Variants in HS3ST5 observed in about 807,000 individuals in gnomAD.
The protein encoded by HS3ST5 is heparan sulfate-glucosamine 3-sulfotransferase 5, also known as heparan sulfate glucosamine 3-O-sulfotransferase 5.
A neutral mutation model predicts 25.4 loss-of-function variants in HS3ST5; 10 were observed. The ratio of observed to expected loss-of-function variants is 0.39; its 90% CI spans 0.24 to 0.67. The LOEUF (loss-of-function observed/expected upper bound fraction) is 0.67, where lower values mean the gene tolerates loss of function less well. HS3ST5 is among the 30% of genes least tolerant of loss of function. The pLI is 0.44. For synonymous variants in HS3ST5, 170 were observed against 162.4 expected (o/e 1.05, Z -0.36); for missense variants, 324 against 420.7 (o/e 0.77, Z 2.01).
intron 1 of HS3ST5, among the ~76,000 whole-genome samples, chr6:114,294,646 C>T (rs1482549583): frequency 2.6e-5 from 4 of 151,948 alleles, no homozygotes; most frequent in Non-Finnish European, 4.4e-5. Flanking sequence ...GGGGTTTCAC[C>T]GTGGTCTCCA....
intron 3 of HS3ST5, chr6:114,084,535 A>C: frequency 1.3e-6 from 1 of 759,640 alleles, no homozygotes. Flanking sequence ...CGTCCACCGC[A>C]TCACACCCGC....
At position 114,258,266 on chromosome 6, in the gene HS3ST5, G is replaced by A. The variant is rs1027591650; in HGVS notation, c.-338-29488C>T. ...TCTGACTCTGTGGGGAGTGCGTGACGATTCCCTTCTTGTTTCAGGTCTTGA... is the reference window on the plus strand; with the variant it reads ...TCTGACTCTGTGGGGAGTGCGTGACAATTCCCTTCTTGTTTCAGGTCTTGA... On this transcript the variant is annotated intron_variant, in intron 1 of 4. Transcript: ENST00000312719. 5.3e-5 allele frequency among the ~76,000 whole-genome samples: 8 copies of A among 152,128 alleles called. 1 individual carries two copies. In the South Asian group the frequency reaches 6.2e-4, roughly 12 times the overall value.
At chr6:114,150,689 T>A (rs1778405313) in intron 3 of HS3ST5, among the ~76,000 whole-genome samples, 1 of 152,140 alleles carries the variant, frequency 6.6e-6, no homozygotes, top group Admixed American at 6.5e-5. Flanking sequence ...CAATATTTTT[T>A]AAAAAAGATT....
chr6:114,115,230 A>AT (rs559389797), intron 3 of HS3ST5, among the ~76,000 whole-genome samples: 1 of 151,982 alleles, frequency 6.6e-6, no homozygotes, highest in Non-Finnish European at 1.5e-5. Context: ...CCTGAAGATA[A>AT]TTTTTTTTAA....
chr6:114,232,349 T>C (rs1771638206), intron 1 of HS3ST5, among the ~76,000 whole-genome samples: 1 of 152,134 alleles, frequency 6.6e-6, no homozygotes, highest in Non-Finnish European at 1.5e-5. Context: ...TATTTCCATA[T>C]TTATTTATTT....
intron 1 of HS3ST5, among the ~76,000 whole-genome samples, chr6:114,317,276 A>G (rs571668754): frequency 6.6e-6 from 1 of 152,280 alleles, no homozygotes; most frequent in Admixed American, 6.5e-5. Context: ...TGGAGGAAAT[A>G]CCCATAGGAT....
chr6:114,067,714 G>A (rs1773538547), intron 3 of HS3ST5, among the ~76,000 whole-genome samples: 1 of 152,136 alleles, frequency 6.6e-6, no homozygotes, highest in South Asian at 2.1e-4. Flanking sequence ...GTCTGGTTAT[G>A]GCAGGCCCGG....
At chr6:114,122,202 C>T (rs1430662112) in intron 3 of HS3ST5, among the ~76,000 whole-genome samples, 1 of 152,164 alleles carries the variant, frequency 6.6e-6, no homozygotes, top group Non-Finnish European at 1.5e-5. Flanking sequence ...TAGAGTCATG[C>T]TTTGGTACCT....
rs117810351 is a variant in HS3ST5, at chr6:114,318,558, A to G, written c.-339+23637T>C. On this transcript the variant is annotated intron_variant, in intron 1 of 4. Coordinates refer to ENST00000312719, the MANE Select transcript of HS3ST5 (RefSeq NM_153612.4). ...CTTCACAGCATTATTTCCTATTTCT[A>G]TGTACAAATCTGTTCTCTTAAATTG... Among the ~76,000 whole-genome samples the G allele has an allele frequency of 6.7e-3, 1,015 of 152,216 alleles. 2 individuals are homozygous for G. Among genetic ancestry groups the G allele is most frequent in the Admixed American group, 0.015 (224 of 15,282 alleles).
At chr6:114,242,048 T>C (rs531835581) in intron 1 of HS3ST5, among the ~76,000 whole-genome samples, 1 of 152,300 alleles carries the variant, frequency 6.6e-6, no homozygotes, top group African/African-American at 2.4e-5. Context: ...AAGTGTCGGG[T>C]ATCTTCAGCA....
At chr6:114,299,675 CG>C (rs1227347762) in intron 1 of HS3ST5, among the ~76,000 whole-genome samples, 2 of 151,996 alleles carry the variant, frequency 1.3e-5, no homozygotes, top group Non-Finnish European at 2.9e-5. Flanking sequence ...GCAGGTTCCC[CG>C]ATAGTCCTGT....
intron 2 of HS3ST5, among the ~76,000 whole-genome samples, chr6:114,222,336 T>C (rs1229967486): frequency 1.3e-5 from 2 of 151,916 alleles, no homozygotes; most frequent in African/African-American, 4.8e-5. Context: ...GTCTGCTTCA[T>C]TCAATGATGT....
At chr6:114,297,993 C>T (rs1774900723) in intron 1 of HS3ST5, among the ~76,000 whole-genome samples, 1 of 152,156 alleles carries the variant, frequency 6.6e-6, no homozygotes, top group South Asian at 2.1e-4. Context: ...AGATGGTTGT[C>T]TCCTGTCCCT....
At chr6:114,203,551 C>T (rs1234121579) in intron 2 of HS3ST5, among the ~76,000 whole-genome samples, 1 of 152,140 alleles carries the variant, frequency 6.6e-6, no homozygotes, top group African/African-American at 2.4e-5. Context: ...TAAGATTGGT[C>T]TTTGAGATAT....
At chr6:114,277,284 G>C (rs1773901871) in intron 1 of HS3ST5, among the ~76,000 whole-genome samples, 1 of 151,166 alleles carries the variant, frequency 6.6e-6, no homozygotes, top group African/African-American at 2.4e-5. Context: ...TTCTGAGTTA[G>C]AGTATCAATA....
In HS3ST5 at chr6:114,081,222, C is replaced by T. The variant is rs1774434878; in HGVS notation, c.-32-18345G>A. Among the ~76,000 whole-genome samples, 3 of 152,016 alleles carry T rather than the reference C, an allele frequency of 2.0e-5. No homozygotes were observed. In the South Asian group the frequency reaches 6.2e-4, roughly 32 times the overall value. ...GATCACTGATCACAGATCACCACAA[C>T]AGATATAATAATGAAAAAGTTTAAA... On this transcript the variant is annotated intron_variant, in intron 3 of 4. Transcript: ENST00000312719.
Position 114,294,502 on chromosome 6 carries a change from G to A in HS3ST5, c.-339+47693C>T, listed in dbSNP as rs867970114. Among the ~76,000 whole-genome samples, 48 of 135,470 alleles carry A rather than the reference G, an allele frequency of 3.5e-4. No homozygotes were observed. The Middle Eastern group carries it at 0.015, about 43-fold the overall frequency. 88.9% of individuals were successfully genotyped at this position (135,470 alleles called of 152,430 possible). ...ACTCTGTCGCCCAGGCTGGAGTGCT[G>A]TGGCGTGATCTCCGCTCACTGCAAG... On this transcript the variant is annotated intron_variant, in intron 1 of 4. Transcript: ENST00000312719.
At chr6:114,286,780 A>T (rs1414409081) in intron 1 of HS3ST5, among the ~76,000 whole-genome samples, 1 of 152,020 alleles carries the variant, frequency 6.6e-6, no homozygotes, top group Non-Finnish European at 1.5e-5. Context: ...TTTTAAAAAG[A>T]AACCTATGAA....
chr6:114,314,571 G>C (rs149709515), intron 1 of HS3ST5, among the ~76,000 whole-genome samples: 2 of 152,158 alleles, frequency 1.3e-5, no homozygotes, highest in Non-Finnish European at 2.9e-5. Context: ...AGAAGTCCCT[G>C]AAGTTCATAG....
Sources: gnomAD v4.1 joint callset for allele counts (sites outside exome capture counted in the v4.1 genomes callset) on GRCh38, gnomAD v4.1.1 for gene constraint, MANE v1.5 for transcripts, NCBI Gene and HGNC (gene_info 2026-07-23, HGNC 2026-07-21) for gene names.